AFG2A: variants seen among roughly 807,000 people sequenced by gnomAD.
The protein encoded by AFG2A is ATPase family gene 2 protein homolog A.
chr4:123,212,297 C>T, the AFG2A span, among the ~76,000 whole-genome samples: 1 of 152,106 alleles, frequency 6.6e-6, no homozygotes, highest in African/African-American at 2.4e-5. Flanking sequence ...AACTCAGACC[C>T]TCCTATTGAA....
At chr4:123,124,930 T>C in the AFG2A span, among the ~76,000 whole-genome samples, 3 of 152,230 alleles carry the variant, frequency 2.0e-5, no homozygotes, top group African/African-American at 4.8e-5. Flanking sequence ...TTTCTCTGGT[T>C]TTGTTTGGCG....
At chr4:123,171,901 C>A in the AFG2A span, among the ~76,000 whole-genome samples, 1 of 151,454 alleles carries the variant, frequency 6.6e-6, no homozygotes, top group Non-Finnish European at 1.5e-5. Flanking sequence ...TTTTTATTTT[C>A]TTTTTAATTT....
the AFG2A span, among the ~76,000 whole-genome samples, chr4:123,263,472 GGAGATTTTACA>G: frequency 6.6e-6 from 1 of 152,086 alleles, no homozygotes; most frequent in Non-Finnish European, 1.5e-5. Context: ...ATAAACAAAT[GGAGATTTTACA>G]TCTCAAATAT....
the AFG2A span, among the ~76,000 whole-genome samples, chr4:123,073,829 A>G: frequency 1.3e-5 from 2 of 152,220 alleles, no homozygotes; most frequent in Admixed American, 6.5e-5. Flanking sequence ...AACAAGTAGT[A>G]CCATAACATT....
chr4:123,049,995 C>T, the AFG2A span, among the ~76,000 whole-genome samples: 1 of 151,880 alleles, frequency 6.6e-6, no homozygotes, highest in East Asian at 1.9e-4. Context: ...TCTGTAGATT[C>T]TAGTATTTTG....
the AFG2A span, among the ~76,000 whole-genome samples, chr4:122,926,241 G>A: frequency 6.6e-6 from 1 of 152,328 alleles, no homozygotes; most frequent in African/African-American, 2.4e-5. Flanking sequence ...TCTTGGGAAG[G>A]ACTGAGAACA....
the AFG2A span, among the ~76,000 whole-genome samples, chr4:122,944,443 T>C: frequency 1.3e-5 from 2 of 152,338 alleles, no homozygotes; most frequent in Non-Finnish European, 2.9e-5. Flanking sequence ...CCTGAGGCTT[T>C]TGCATTCTTC....
chr4:122,936,250 T>A, the AFG2A span: 1 of 786,662 alleles, frequency 1.3e-6, no homozygotes, highest in South Asian at 3.1e-5. Flanking sequence ...TAAACAGTAG[T>A]ACAAAAATTA....
the AFG2A span, among the ~76,000 whole-genome samples, chr4:122,998,112 A>G: frequency 6.6e-6 from 1 of 152,070 alleles, no homozygotes; most frequent in African/African-American, 2.4e-5. Flanking sequence ...CTTTCTTGAT[A>G]GGGTCCTTTG....
chr4:123,121,338 G>C, the AFG2A span, among the ~76,000 whole-genome samples: 1 of 151,760 alleles, frequency 6.6e-6, no homozygotes. Context: ...GTTTAGCATA[G>C]TCTTATTGTA....
chr4:123,211,493 A>G, the AFG2A span, among the ~76,000 whole-genome samples: 6 of 152,178 alleles, frequency 3.9e-5, no homozygotes, highest in African/African-American at 1.4e-4. Context: ...CCAGTGAAGC[A>G]GATCAGAAAG....
At chr4:123,082,727 G>A in the AFG2A span, among the ~76,000 whole-genome samples, 2 of 152,034 alleles carry the variant, frequency 1.3e-5, no homozygotes, top group Admixed American at 1.3e-4. Context: ...TTTTGGTTGG[G>A]ATTGCATTGA....
chr4:123,290,792 G>A, the AFG2A span, among the ~76,000 whole-genome samples: 13 of 152,218 alleles, frequency 8.5e-5, no homozygotes, highest in South Asian at 4.2e-4. Context: ...ACCTCCCACC[G>A]GGTTCCTCCC....
chr4:123,110,829 A>G, the AFG2A span, among the ~76,000 whole-genome samples: 1 of 152,218 alleles, frequency 6.6e-6, no homozygotes, highest in South Asian at 2.1e-4. Flanking sequence ...TTCAGGAACT[A>G]GTAAGTAATG....
At chr4:123,200,337 G>A in the AFG2A span, among the ~76,000 whole-genome samples, 3 of 152,112 alleles carry the variant, frequency 2.0e-5, no homozygotes, top group South Asian at 2.1e-4. Context: ...AGAATCATGC[G>A]GGAAGTTGCA....
At chr4:123,209,967 A>C in the AFG2A span, among the ~76,000 whole-genome samples, 1 of 152,234 alleles carries the variant, frequency 6.6e-6, no homozygotes, top group African/African-American at 2.4e-5. Context: ...CTAAGCAGTA[A>C]TAGCTTCCTG....
chr4:122,998,702 T>A, the AFG2A span, among the ~76,000 whole-genome samples: 5 of 152,254 alleles, frequency 3.3e-5, no homozygotes, highest in African/African-American at 1.2e-4. Context: ...TTCTTAATCC[T>A]GTCTATCATT....
chr4:122,939,361 C>T, the AFG2A span, among the ~76,000 whole-genome samples: 4 of 151,988 alleles, frequency 2.6e-5, no homozygotes, highest in Non-Finnish European at 5.9e-5. Context: ...GGATTACAGG[C>T]GTGAGCCACC....
the AFG2A span, among the ~76,000 whole-genome samples, chr4:123,076,873 G>T: frequency 5.3e-5 from 8 of 151,828 alleles, no homozygotes; most frequent in Non-Finnish European, 5.9e-5. Flanking sequence ...AGATGTTTCA[G>T]AAGTACCACA....
Sources: gnomAD v4.1 joint callset for allele counts (sites outside exome capture counted in the v4.1 genomes callset) on GRCh38, gnomAD v4.1.1 for gene constraint, MANE v1.5 for transcripts, NCBI Gene and HGNC (gene_info 2026-07-23, HGNC 2026-07-21) for gene names.